TTLL10: variants seen among roughly 807,000 people sequenced by gnomAD.
TTLL10 encodes the protein inactive polyglycylase TTLL10.
Under a neutral mutation model 69.0 loss-of-function variants are expected in TTLL10, and 61 were observed. That is an observed-to-expected ratio of 0.88 (90% confidence interval 0.72 to 1.09). TTLL10 has a LOEUF of 1.09. Among genes scored for constraint, TTLL10 ranks in the 50% least tolerant of loss-of-function variants. The probability of loss-of-function intolerance (pLI) is 0.00; values close to 1 mark genes in which losing one functional copy is unlikely to be tolerated. For missense variants in TTLL10, 962 were observed against 945.9 expected (o/e 1.02, Z -0.22); for synonymous variants, 408 against 393.3 (o/e 1.04, Z -0.44).
chr1:1,180,262 T>G lies in TTLL10; in HGVS notation c.428T>G (p.Leu143Arg), dbSNP rs761622456. 4.4e-6 allele frequency: 7 copies of G among 1,600,466 alleles called. No individual in the cohort carries two copies. Among genetic ancestry groups the G allele is most frequent in the South Asian group, 2.2e-5 (2 of 89,206 alleles). ...GCTGCCCTCCTGGAGGGGCTCCTGC[T>G]GGGGGGTGGGAAGCCATCGCCCCAC... Reference protein sequence around the residue: ...PSAALLEGLLLGGGKPSPHST... With the variant: ...PSAALLEGLLRGGGKPSPHST... The change falls in exon 6 of 16, where the codon CTG becomes CGG. Residue 143 changes from leucine to arginine, a missense_variant. Physicochemically the swap from Leu to Arg is moderately radical, Grantham distance 102. Transcript: ENST00000379289.
At chr1:1,191,825 G>A (rs567038553) in intron 13 of TTLL10, among the ~76,000 whole-genome samples, 17 of 152,376 alleles carry the variant, frequency 1.1e-4, no homozygotes, top group Non-Finnish European at 1.6e-4. Context: ...GAAACGAAGG[G>A]ATGGGCCAAA....
chr1:1,178,433 T>A (rs756405517), intron 3 of TTLL10, among the ~76,000 whole-genome samples: 18 of 151,820 alleles, frequency 1.2e-4, no homozygotes, highest in Non-Finnish European at 2.4e-4. Flanking sequence ...TGGTGGTGGG[T>A]GCCTGTAGTC....
intron 14 of TTLL10, 63 bp downstream of exon 14, chr1:1,196,779 A>T: frequency 8.5e-7 from 1 of 1,176,098 alleles, no homozygotes. Flanking sequence ...CCATCTGTAC[A>T]CCCTGACCAC....
At chr1:1,186,565 C>T (rs544599207) in intron 13 of TTLL10, among the ~76,000 whole-genome samples, 3 of 152,234 alleles carry the variant, frequency 2.0e-5, no homozygotes, top group South Asian at 2.1e-4. Context: ...GGAATGGAGT[C>T]GTGGGTCACA....
chr1:1,177,746 T>C (rs1646920340), intron 3 of TTLL10, among the ~76,000 whole-genome samples: 1 of 152,208 alleles, frequency 6.6e-6, no homozygotes, highest in South Asian at 2.1e-4. Flanking sequence ...TGAGGGCCCA[T>C]GAGAAGGAGC....
In TTLL10 at chr1:1,185,352, C is replaced by T. The variant is rs1164477022; in HGVS notation, c.1401+243C>T. ...GTCGGGGGTCTGTCGGCACGAGTCC[C>T]GCGGGCAGCCTCGCCGTAGGGTCAG... On this transcript the variant is annotated intron_variant, in intron 13 of 15. Transcript: ENST00000379289. The surrounding 1 kb of genome is among the most constrained non-coding windows in gnomAD (Gnocchi z 6.1). 6 of 1,356,414 alleles carry T rather than the reference C, an allele frequency of 4.4e-6. No individual in the cohort carries two copies. Among genetic ancestry groups the T allele is most frequent in the African/African-American group, 1.5e-5 (1 of 66,896 alleles). The allele number at this position is 1,356,414 out of a possible 1,614,324, so 84.0% of individuals were successfully genotyped here.
Position 1,180,584 on chromosome 1 carries a change from A to G in TTLL10, c.608A>G (p.Tyr203Cys), listed in dbSNP as rs1484564458. 2.6e-6 allele frequency: 4 copies of G among 1,551,630 alleles called. No homozygotes were observed. Among genetic ancestry groups the G allele is most frequent in the Non-Finnish European group, 3.5e-6 (4 of 1,147,264 alleles). ...TGTGAGGTCAAGAGCCGAGACAGCT[A>G]CGGCAGCTTCCGGGAAGGTAGCGGG... The part of the protein sequence containing the change: ...KWCEVKSRDS[Y>C]GSFREGEQLL... Residue 203 changes from tyrosine (Y) to cysteine (C), a missense_variant, in exon 7 of 16, where the codon TAC (tyrosine) becomes TGC (cysteine). Coordinates refer to ENST00000379289, the MANE Select transcript of TTLL10 (RefSeq NM_001130045.2).
At chr1:1,183,855 G>C in intron 11 of TTLL10, 65 bp from the exon 12 acceptor site, 1 of 1,598,590 alleles carries the variant, frequency 6.3e-7, no homozygotes, top group African/African-American at 1.3e-5. Context: ...GGGGTGGGGT[G>C]TGAGGGGATG....
chr1:1,178,866 G>T (rs1414184582), intron 3 of TTLL10, among the ~76,000 whole-genome samples: 1 of 152,174 alleles, frequency 6.6e-6, no homozygotes, highest in Non-Finnish European at 1.5e-5. Flanking sequence ...CTTCAGGCAG[G>T]CGCCCCACCC....
At chr1:1,186,613 C>T (rs1365944601) in intron 13 of TTLL10, among the ~76,000 whole-genome samples, 1 of 152,158 alleles carries the variant, frequency 6.6e-6, no homozygotes, top group Non-Finnish European at 1.5e-5. Flanking sequence ...CCAGGAATCA[C>T]TTTTCCAGTT....
Position 1,180,239 on chromosome 1 carries a change from T to A in TTLL10, c.405T>A (p.Ala135=), listed in dbSNP as rs889790592. The change falls in exon 6 of 16, where the codon GCT becomes GCA. Residue 135 remains alanine, a synonymous_variant. Coordinates refer to ENST00000379289, the MANE Select transcript of TTLL10 (RefSeq NM_001130045.2). The part of the protein sequence containing the change: ...SDDTNAAGPS[A]ALLEGLLLGG... ...ACACTAACGCCGCCGGGCCCTCAGC[T>A]GCCCTCCTGGAGGGGCTCCTGCTGG... The A allele has an allele frequency of 6.8e-6, 11 of 1,606,682 alleles. No homozygotes were observed. Among genetic ancestry groups the A allele is most frequent in the Non-Finnish European group, 9.3e-6 (11 of 1,177,560 alleles).
intron 13 of TTLL10, among the ~76,000 whole-genome samples, chr1:1,187,201 A>G (rs931838461): frequency 1.3e-5 from 2 of 152,182 alleles, no homozygotes; most frequent in African/African-American, 4.8e-5. Flanking sequence ...TGATTTGCCA[A>G]TATTTTTCTG....
Position 1,180,238 on chromosome 1 carries a change from C to A in TTLL10, c.404C>A (p.Ala135Asp). 1 of 1,606,864 alleles carries A rather than the reference C, an allele frequency of 6.2e-7. No homozygotes were observed. Among genetic ancestry groups the A allele is most frequent in the Non-Finnish European group, 8.5e-7 (1 of 1,177,568 alleles). The change falls in exon 6 of 16, where the codon GCT becomes GAT. Residue 135 changes from alanine to aspartate, a missense_variant. Transcript: ENST00000379289. ...SDDTNAAGPS[A>D]ALLEGLLLGG... ...GACACTAACGCCGCCGGGCCCTCAG[C>A]TGCCCTCCTGGAGGGGCTCCTGCTG...
chr1:1,197,832 G>C lies in TTLL10; in HGVS notation c.2007G>C (p.Glu669Asp). 1 of 1,499,790 alleles carries C rather than the reference G, an allele frequency of 6.7e-7. No homozygotes were observed. Among genetic ancestry groups the C allele is most frequent in the Non-Finnish European group, 8.9e-7 (1 of 1,123,210 alleles). The allele number at this position is 1,499,790 out of a possible 1,614,324, so 92.9% of individuals were successfully genotyped here. A position where few individuals can be genotyped will look rare whatever the true frequency, so the allele number is the denominator to read the frequency against. Residue 669 changes from glutamate (E) to aspartate (D), a missense_variant, in exon 16 of 16, where the codon GAG becomes GAC. Transcript: ENST00000379289. The stretch of plus-strand genomic sequence containing the variant: ...CCAAGGAGGAACGCGAGGAGCCTGA[G>C]AACGCGAGGCCCTAGGGGCAGCCAC... ...GTAKEEREEP[E>D]NARP
At chr1:1,178,046 C>T (rs958289833) in intron 3 of TTLL10, among the ~76,000 whole-genome samples, 160 of 152,330 alleles carry the variant, frequency 1.1e-3, no homozygotes, top group African/African-American at 2.8e-3. Context: ...TTCCCCTGCC[C>T]GTGGGCTTCC....
intron 8 of TTLL10, 57 bp downstream of exon 8, chr1:1,180,917 G>A (rs1647042494): frequency 1.5e-6 from 2 of 1,351,646 alleles, no homozygotes; most frequent in Admixed American, 2.9e-5. Context: ...GCCTGCCCCT[G>A]CCCCTGCCCC....
At position 1,181,734 on chromosome 1, in the gene TTLL10, G is replaced by T. The variant is rs1194669700; in HGVS notation, c.756-7G>T. ...TCAGTCCAGGCCCTCTGTCCCCTGG[G>T]CTGCAGGCTGGAAAAGGACGCAGCA... is the stretch of plus-strand genomic sequence containing the variant. On this transcript the variant is annotated splice_polypyrimidine_tract_variant and splice_region_variant and intron_variant, in intron 8 of 15. Coordinates refer to ENST00000379289, the MANE Select transcript of TTLL10 (RefSeq NM_001130045.2). This position sits in a 1 kb window ranked among gnomAD's most constrained non-coding sequence, Gnocchi z 4.6. 5.0e-6 allele frequency: 8 copies of T among 1,593,196 alleles called. No homozygotes were observed. Among genetic ancestry groups the T allele is most frequent in the Non-Finnish European group, 6.0e-6 (7 of 1,171,184 alleles).
In TTLL10 at chr1:1,196,651, C is replaced by G; in HGVS notation, c.1453C>G (p.Leu485Val). 1 of 1,551,996 alleles carries G rather than the reference C, an allele frequency of 6.4e-7. No individual in the cohort carries two copies. Residue 485 changes from leucine (L) to valine (V), a missense_variant, in exon 14 of 16, where the codon CTG (leucine) becomes GTG (valine). Transcript: ENST00000379289. Reference sequence around the variant, plus strand: ...CTGCTTTCTGGCCGCCAAGCCCAAGCTGGACTGCAAGCTGGGTTACTTTGA... The same window carrying G: ...CTGCTTTCTGGCCGCCAAGCCCAAGGTGGACTGCAAGCTGGGTTACTTTGA... ...AHCFLAAKPK[L>V]DCKLGYFDLI...
chr1:1,186,092 C>CTT (rs200935326), intron 13 of TTLL10, among the ~76,000 whole-genome samples: 45 of 143,722 alleles, frequency 3.1e-4, no homozygotes, highest in East Asian at 8.1e-4. Flanking sequence ...CTTTTCTTTT[C>CTT]TTTTTTTTTT....
Sources: allele counts gnomAD v4.1 joint callset (sites outside exome capture counted in the v4.1 genomes callset), GRCh38; gene constraint gnomAD v4.1.1; non-coding constraint Gnocchi (gnomAD v3.1); transcripts MANE v1.5; gene names NCBI Gene and HGNC (gene_info 2026-07-23, HGNC 2026-07-21).